RAI1: variants seen among roughly 807,000 people sequenced by gnomAD.
RAI1 encodes the protein retinoic acid-induced protein 1.
A neutral mutation model predicts 123.8 loss-of-function variants in RAI1; 9 were observed. The ratio of observed to expected loss-of-function variants is 0.07; its 90% CI spans 0.04 to 0.13. The LOEUF (loss-of-function observed/expected upper bound fraction) is 0.13. Ranked by LOEUF, RAI1 falls within the 10% of genes least tolerant of loss-of-function variation. The pLI, the probability that RAI1 is intolerant of heterozygous loss-of-function variation, is 1.00. For missense variants in RAI1, 2,256 were observed against 2,545.8 expected, an observed-to-expected ratio of 0.89 and a Z score of 2.45; for synonymous variants, 1,231 against 1,127.3, an observed-to-expected ratio of 1.09 and a Z score of -1.84.
intron 2 of RAI1, among the ~76,000 whole-genome samples, chr17:17,730,300 C>T (rs1302083940): frequency 6.6e-6 from 1 of 152,250 alleles, no homozygotes; most frequent in Non-Finnish European, 1.5e-5. Context: ...AAAATGCAAA[C>T]TGTTACTTGG....
intron 2 of RAI1, among the ~76,000 whole-genome samples, chr17:17,745,464 C>T (rs1345577397): frequency 6.6e-6 from 1 of 151,678 alleles, no homozygotes; most frequent in East Asian, 1.9e-4. Flanking sequence ...GAGACAGGGT[C>T]TGTTGCCCAG....
In RAI1 at chr17:17,796,567, A is replaced by G. The variant is rs763228754; in HGVS notation, c.3619A>G (p.Lys1207Glu). 3.7e-6 allele frequency: 6 copies of G among 1,611,456 alleles called. No homozygotes were observed. ...GRVSQRARVP[K>E]PGAGSKLSDR... ...GGTGAGCCAGCGGGCAAGGGTCCCC[A>G]AACCTGGTGCAGGCAGCAAGCTCTC... Residue 1207 changes from lysine (K) to glutamate (E), a missense_variant, in exon 3 of 6, where the codon AAA becomes GAA. Transcript: ENST00000353383. The surrounding 1 kb of genome is among the most constrained non-coding windows in gnomAD (Gnocchi z 5.8).
rs776625806 is a variant in RAI1 at position 17,797,076 on chromosome 17, G to C, written c.4128G>C (p.Val1376=). 1.9e-6 allele frequency: 3 copies of C among 1,614,016 alleles called. No individual in the cohort carries two copies. Among genetic ancestry groups the C allele is most frequent in the Non-Finnish European group, 2.5e-6 (3 of 1,180,054 alleles). Residue 1376 remains valine, a synonymous_variant, in exon 3 of 6, where the codon GTG becomes GTC. Coordinates refer to ENST00000353383, the MANE Select transcript of RAI1 (RefSeq NM_030665.4). ...RGLKGAGGSP[V]GVEEGLVNVG... The stretch of plus-strand genomic sequence containing the variant: ...TCAAGGGTGCTGGGGGCAGCCCAGT[G>C]GGGGTGGAAGAAGGCCTGGTAAATG...
chr17:17,694,967 TC>T (rs1914973017), intron 1 of RAI1, among the ~76,000 whole-genome samples: 1 of 152,092 alleles, frequency 6.6e-6, no homozygotes, highest in Admixed American at 6.5e-5. Flanking sequence ...GGCCTCGTTC[TC>T]CCACTCCCTG....
Position 17,690,712 on chromosome 17 carries a change from T to G in RAI1, c.-149+8919T>G, listed in dbSNP as rs187774020. 1.9e-4 allele frequency among the ~76,000 whole-genome samples: 29 copies of G among 152,346 alleles called. No individual in the cohort carries two copies. The East Asian group carries it at 4.6e-3, about 24-fold the overall frequency. ...CAGACAATGTAAAGTAAAAACCACC[T>G]GAAAGATTTCTTAGGAGCTACAGCT... On this transcript the variant is annotated intron_variant, in intron 1 of 5. Coordinates refer to ENST00000353383, the MANE Select transcript of RAI1 (RefSeq NM_030665.4).
intron 2 of RAI1, among the ~76,000 whole-genome samples, chr17:17,744,726 G>T (rs1046982842): frequency 2.0e-5 from 3 of 148,152 alleles, no homozygotes; most frequent in Non-Finnish European, 4.4e-5. Flanking sequence ...GGAGGTGGAG[G>T]TTGCAGTGAG....
At chr17:17,707,779 A>G (rs545200363) in intron 1 of RAI1, among the ~76,000 whole-genome samples, 25 of 152,172 alleles carry the variant, frequency 1.6e-4, no homozygotes, top group Non-Finnish European at 3.1e-4. Flanking sequence ...TTTTTGGTAG[A>G]GACGGGTTTT....
chr17:17,720,373 C>G (rs760564286), intron 1 of RAI1, among the ~76,000 whole-genome samples: 6 of 152,180 alleles, frequency 3.9e-5, no homozygotes, highest in African/African-American at 9.7e-5. Flanking sequence ...AGGGAGGATC[C>G]TAATTCCCCT....
chr17:17,698,521 A>G (rs1264423084), intron 1 of RAI1, among the ~76,000 whole-genome samples: 2 of 151,920 alleles, frequency 1.3e-5, no homozygotes, highest in Non-Finnish European at 1.5e-5. Context: ...GTCTGTCACT[A>G]CTTTCCTAAT....
At chr17:17,785,641 C>T (rs545586619) in intron 2 of RAI1, among the ~76,000 whole-genome samples, 27 of 152,334 alleles carry the variant, frequency 1.8e-4, no homozygotes, top group African/African-American at 6.5e-4. Context: ...CTCTGGAAGC[C>T]TCCAGCCTTT....
chr17:17,712,205 C>G (rs538516539), intron 1 of RAI1, among the ~76,000 whole-genome samples: 1 of 152,184 alleles, frequency 6.6e-6, no homozygotes, highest in African/African-American at 2.4e-5. Flanking sequence ...TGCTAGGTGC[C>G]GGGGCTCTAT....
intron 2 of RAI1, among the ~76,000 whole-genome samples, chr17:17,726,452 G>A (rs1480269787): frequency 6.6e-6 from 1 of 152,222 alleles, no homozygotes; most frequent in Non-Finnish European, 1.5e-5. Flanking sequence ...CATGCCCTAT[G>A]GCACAACCCC....
intron 2 of RAI1, among the ~76,000 whole-genome samples, chr17:17,757,351 T>C (rs2030478374): frequency 6.6e-6 from 1 of 152,118 alleles, no homozygotes; most frequent in Non-Finnish European, 1.5e-5. Flanking sequence ...CAGGAGGCAG[T>C]GTGGGCCAAG....
intron 2 of RAI1, among the ~76,000 whole-genome samples, chr17:17,771,078 G>A (rs1598067615): frequency 6.6e-6 from 1 of 152,166 alleles, no homozygotes. Context: ...TGGATGGGGA[G>A]ACAGGAGCCC....
chr17:17,722,479 T>A (rs1389921642), intron 1 of RAI1, among the ~76,000 whole-genome samples: 1 of 152,108 alleles, frequency 6.6e-6, no homozygotes, highest in Non-Finnish European at 1.5e-5. Context: ...CCGCGCCACC[T>A]CCGCCAGGCT....
At chr17:17,764,276 A>G (rs2030824288) in intron 2 of RAI1, among the ~76,000 whole-genome samples, 1 of 152,176 alleles carries the variant, frequency 6.6e-6, no homozygotes, top group South Asian at 2.1e-4. Flanking sequence ...AAGAGCACGA[A>G]TCATAGGTGG....
intron 1 of RAI1, among the ~76,000 whole-genome samples, chr17:17,703,266 G>A (rs532963608): frequency 6.6e-6 from 1 of 152,304 alleles, no homozygotes; most frequent in South Asian, 2.1e-4. Flanking sequence ...CAGGAGGACA[G>A]CCGCGCCCCC....
At chr17:17,784,586 G>T (rs1030698038) in intron 2 of RAI1, among the ~76,000 whole-genome samples, 1 of 152,206 alleles carries the variant, frequency 6.6e-6, no homozygotes, top group Non-Finnish European at 1.5e-5. Flanking sequence ...GTGGCTCGTT[G>T]CCCTTAACAG....
intron 2 of RAI1, among the ~76,000 whole-genome samples, chr17:17,749,174 C>T (rs2030052573): frequency 1.3e-5 from 2 of 152,230 alleles, no homozygotes; most frequent in Non-Finnish European, 2.9e-5. Flanking sequence ...AGCACCAGCT[C>T]GCCTGAGCTG....
Sources: allele counts gnomAD v4.1 joint callset (sites outside exome capture counted in the v4.1 genomes callset), GRCh38; gene constraint gnomAD v4.1.1; non-coding constraint Gnocchi (gnomAD v3.1); transcripts MANE v1.5; gene names NCBI Gene and HGNC (gene_info 2026-07-23, HGNC 2026-07-21).